CPQ: variants seen among roughly 807,000 people sequenced by gnomAD.
CPQ encodes carboxypeptidase Q, also known as Ser-Met dipeptidase.
In CPQ, 37 loss-of-function variants were observed where a neutral mutation model predicts 45.7. The observed-to-expected ratio is 0.81, with a 90% CI of 0.62 to 1.07. CPQ has a LOEUF of 1.07. CPQ is among the 50% of genes least tolerant of loss of function. CPQ has a pLI of 0.00. For missense variants in CPQ, 537 were observed against 572.9 expected (o/e 0.94, Z 0.64); for synonymous variants, 186 against 205.8 (o/e 0.90, Z 0.82).
Position 97,016,084 on chromosome 8 carries a change from A to AATT in CPQ, c.962-13318_962-13316dup, listed in dbSNP as rs1332334270. On this transcript the variant is annotated intron_variant, in intron 5 of 7. Coordinates refer to ENST00000220763, the MANE Select transcript of CPQ (RefSeq NM_016134.4). ...TTATATTCAGAAAAATTATCAAAAT[A>AATT]ATTTTAAAAATAAAATAATTAAAGA... 5.3e-5 allele frequency among the ~76,000 whole-genome samples: 8 copies of AATT among 152,246 alleles called. No homozygotes were observed. The East Asian group carries it at 1.5e-3, about 29-fold the overall frequency.
intron 2 of CPQ, among the ~76,000 whole-genome samples, chr8:96,826,440 T>G (rs1008476086): frequency 2.6e-5 from 4 of 151,926 alleles, no homozygotes; most frequent in Non-Finnish European, 5.9e-5. Flanking sequence ...ATCTCAGTGG[T>G]TCACAAAAAC....
intron 5 of CPQ, among the ~76,000 whole-genome samples, chr8:97,004,446 A>C (rs1202740735): frequency 6.6e-6 from 1 of 152,108 alleles, no homozygotes; most frequent in Admixed American, 6.5e-5. Context: ...GTTTTCATAC[A>C]CTGTGGGAAA....
intron 7 of CPQ, among the ~76,000 whole-genome samples, chr8:97,136,304 C>A (rs554727835): frequency 6.6e-6 from 1 of 152,062 alleles, no homozygotes; most frequent in African/African-American, 2.4e-5. Flanking sequence ...AAAAAGCGAT[C>A]GTCACAACTT....
chr8:97,135,113 C>T (rs1045868085), intron 7 of CPQ, among the ~76,000 whole-genome samples: 3 of 152,258 alleles, frequency 2.0e-5, no homozygotes, highest in South Asian at 4.1e-4. Context: ...ATGCCCATAG[C>T]CAAGCCAAGG....
At chr8:97,055,535 G>A (rs2130512400) in intron 6 of CPQ, 1 of 152,366 alleles carries the variant, frequency 6.6e-6, no homozygotes. Context: ...ATAGGCTGAA[G>A]GAAGGCAAGG....
In CPQ at chr8:96,926,576, C is replaced by CTTCTTCTTCTTCTTCT. The variant is rs1812882233; in HGVS notation, c.850-39358_850-39357insTCTTCTTCTTCTTCTT. Reference sequence around the variant, plus strand: ...CCTCTTCCTCTTCCTCTTCCTCTTCCTCTTCTTCTTCTTCTTCTTCTTCTT... The same window carrying CTTCTTCTTCTTCTTCT: ...CCTCTTCCTCTTCCTCTTCCTCTTCCTTCTTCTTCTTCTTCTTCTTCTTCTTCTTCTTCTTCTTCTT... On this transcript the variant is annotated intron_variant, in intron 4 of 7. Transcript: ENST00000220763. 2.8e-3 allele frequency among the ~76,000 whole-genome samples: 212 copies of CTTCTTCTTCTTCTTCT among 75,028 alleles called. 2 individuals carry two copies. In the Middle Eastern group the frequency reaches 0.03, roughly 11 times the overall value. The allele number at this position is 75,028 out of a possible 152,430, so 49.2% of individuals were successfully genotyped here.
intron 1 of CPQ, among the ~76,000 whole-genome samples, chr8:96,670,338 G>T (rs12681873): frequency 0.76 from 103,451 of 136,916 alleles, 36,233 homozygotes; most frequent in Middle Eastern, 0.86. Context: ...TTTTTTTTTT[G>T]GCTGTACTGC....
chr8:97,093,376 C>T (rs1202508282), intron 7 of CPQ, among the ~76,000 whole-genome samples: 1 of 152,122 alleles, frequency 6.6e-6, no homozygotes, highest in African/African-American at 2.4e-5. Context: ...ATATTTTCAT[C>T]GCAGCACTAT....
At chr8:97,027,433 C>T (rs935947468) in intron 5 of CPQ, among the ~76,000 whole-genome samples, 1 of 152,128 alleles carries the variant, frequency 6.6e-6, no homozygotes, top group African/African-American at 2.4e-5. Context: ...CAATTACATG[C>T]CAGCCCCAGG....
intron 4 of CPQ, among the ~76,000 whole-genome samples, chr8:96,939,392 T>C (rs918717064): frequency 6.6e-6 from 1 of 152,218 alleles, no homozygotes; most frequent in Non-Finnish European, 1.5e-5. Flanking sequence ...GGTACCAGTA[T>C]GCTAGCTGGG....
chr8:97,061,232 T>G (rs1810545027), intron 6 of CPQ, among the ~76,000 whole-genome samples: 1 of 152,152 alleles, frequency 6.6e-6, no homozygotes, highest in South Asian at 2.1e-4. Flanking sequence ...TTATTTATAG[T>G]TGGAAGCAAA....
chr8:96,867,874 C>T (rs1377095629), intron 3 of CPQ, among the ~76,000 whole-genome samples: 1 of 151,904 alleles, frequency 6.6e-6, no homozygotes, highest in East Asian at 1.9e-4. Flanking sequence ...TGTTGATCTC[C>T]TTTCACCCTT....
rs533927858 is a variant in CPQ at position 96,925,468 on chromosome 8, C to T, written c.850-40467C>T. On this transcript the variant is annotated intron_variant, in intron 4 of 7. Transcript: ENST00000220763. ...GTGTGATCTTGGCTCACTGCAACCC[C>T]GTCTCCTAGGCTCAAGCGATTCTCG... Among the ~76,000 whole-genome samples the T allele has an allele frequency of 3.3e-5, 5 of 151,954 alleles. No homozygotes were observed. The East Asian group carries it at 5.8e-4, about 18-fold the overall frequency.
intron 7 of CPQ, among the ~76,000 whole-genome samples, chr8:97,067,749 T>C (rs919427746): frequency 6.6e-6 from 1 of 152,234 alleles, no homozygotes; most frequent in Admixed American, 6.5e-5. Context: ...TGTTAACATA[T>C]TTTGAAATCT....
At chr8:96,818,398 A>C (rs940232494) in intron 2 of CPQ, among the ~76,000 whole-genome samples, 2 of 152,036 alleles carry the variant, frequency 1.3e-5, no homozygotes, top group Admixed American at 6.6e-5. Flanking sequence ...TAAAAATGAA[A>C]ATTCTTGAAA....
At position 96,785,402 on chromosome 8, in the gene CPQ, T is replaced by A. The variant is rs115039368; in HGVS notation, c.433+72T>A. ...TCCCTTGGTGTAATTGAGTACAATA[T>A]GCATGATTCATATTATAATTTGGAT... On this transcript the variant is annotated intron_variant, in intron 2 of 7. Coordinates refer to ENST00000220763, the MANE Select transcript of CPQ (RefSeq NM_016134.4). The A allele has an allele frequency of 1.3e-3, 1,562 of 1,191,454 alleles. 20 individuals carry two copies. In the African/African-American group the frequency reaches 0.022, roughly 16 times the overall value. The allele number at this position is 1,191,454 out of a possible 1,614,324, so 73.8% of individuals were successfully genotyped here.
intron 6 of CPQ, among the ~76,000 whole-genome samples, chr8:97,041,800 T>C (rs1810131031): frequency 1.3e-5 from 2 of 152,358 alleles, no homozygotes; most frequent in Non-Finnish European, 2.9e-5. Flanking sequence ...TAGATTTGCG[T>C]ATATTGAACC....
At chr8:96,926,312 T>A (rs1213883152) in intron 4 of CPQ, among the ~76,000 whole-genome samples, 1 of 152,210 alleles carries the variant, frequency 6.6e-6, no homozygotes, top group East Asian at 1.9e-4. Context: ...GATATAAGTC[T>A]GTCTCTTTGT....
At chr8:96,894,061 C>A (rs1812411618) in intron 4 of CPQ, among the ~76,000 whole-genome samples, 1 of 152,152 alleles carries the variant, frequency 6.6e-6, no homozygotes, top group African/African-American at 2.4e-5. Context: ...AGCCAGCTGC[C>A]ACGCTGGGAG....
Sources: gnomAD v4.1 joint callset for allele counts (sites outside exome capture counted in the v4.1 genomes callset) on GRCh38, gnomAD v4.1.1 for gene constraint, MANE v1.5 for transcripts, NCBI Gene and HGNC (gene_info 2026-07-23, HGNC 2026-07-21) for gene names.